Variants in ANO3 observed in about 807,000 individuals in gnomAD.
ANO3 encodes the protein anoctamin 3, also known as anoctamin-3.
A neutral mutation model predicts 144.8 loss-of-function variants in ANO3; 99 were observed. That is an observed-to-expected ratio of 0.68 (90% CI 0.58 to 0.81). ANO3 has a LOEUF of 0.81. ANO3 is among the 30% of genes least tolerant of loss of function. ANO3 has a pLI of 0.00. For synonymous variants in ANO3, 414 were observed against 392.6 expected (o/e 1.05, Z -0.64); for missense variants, 905 against 1,202.2 (o/e 0.75, Z 3.66).
intron 1 of ANO3, among the ~76,000 whole-genome samples, chr11:26,284,712 A>T (rs2133847578): frequency 6.6e-6 from 1 of 151,966 alleles, no homozygotes; most frequent in Non-Finnish European, 1.5e-5. Flanking sequence ...ATCCTGGCTA[A>T]CACGGTGAAA....
intron 10 of ANO3, 110 bp downstream of exon 10, chr11:26,537,571 G>A (rs1408848016): frequency 1.1e-6 from 1 of 933,710 alleles, no homozygotes; most frequent in Admixed American, 1.8e-5. Context: ...GATTCAGTCT[G>A]CAAGTAGCCA....
chr11:26,595,460 G>GTTTTT (rs201712393), intron 14 of ANO3, among the ~76,000 whole-genome samples: 2,070 of 101,100 alleles, frequency 0.02, 257 homozygotes, highest in Admixed American at 0.054. Context: ...AGATAGAGTT[G>GTTTTT]TTTTTTTTTT....
intron 1 of ANO3, among the ~76,000 whole-genome samples, chr11:26,324,034 A>G (rs1256812941): frequency 6.6e-6 from 1 of 152,192 alleles, no homozygotes. Flanking sequence ...CACAAGGTTT[A>G]TGTTTATCTG....
At chr11:26,406,323 T>A (rs2133980089) in intron 1 of ANO3, among the ~76,000 whole-genome samples, 1 of 151,922 alleles carries the variant, frequency 6.6e-6, no homozygotes, top group Non-Finnish European at 1.5e-5. Context: ...CCCTCATGAC[T>A]TAATCAACTT....
At chr11:26,421,332 T>A (rs2133998043) in intron 1 of ANO3, among the ~76,000 whole-genome samples, 1 of 152,160 alleles carries the variant, frequency 6.6e-6, no homozygotes, top group East Asian at 1.9e-4. Flanking sequence ...GGAAGACAAA[T>A]TAGAAAATTC....
chr11:26,616,788 T>G (rs1478406417), intron 17 of ANO3, among the ~76,000 whole-genome samples: 1 of 152,214 alleles, frequency 6.6e-6, no homozygotes, highest in Non-Finnish European at 1.5e-5. Flanking sequence ...TTTTTATTTT[T>G]TTGAGATGGA....
rs577598082 is a variant in ANO3, at chr11:26,451,538, C to T, written c.313+7702C>T. On this transcript the variant is annotated intron_variant, in intron 3 of 26. Coordinates refer to ENST00000256737, the MANE Select transcript of ANO3 (RefSeq NM_031418.4). ...GGCGGCAGCAAGGCTGGGGGAGGAG[C>T]GCCCGCCATTACTCAGGCTTGCTTA... is the stretch of plus-strand genomic sequence containing the variant. Among the ~76,000 whole-genome samples the T allele has an allele frequency of 5.3e-5, 8 of 152,282 alleles. No individual in the cohort carries two copies. The East Asian group carries it at 9.7e-4, about 18-fold the overall frequency.
chr11:26,652,995 T>A (rs973384529), intron 24 of ANO3, among the ~76,000 whole-genome samples: 1 of 152,244 alleles, frequency 6.6e-6, no homozygotes, highest in African/African-American at 2.4e-5. Context: ...CAGCCACACC[T>A]GCCAAGTCAT....
chr11:26,561,090 A>G (rs1463113039), intron 14 of ANO3: 1 of 1,611,618 alleles, frequency 6.2e-7, no homozygotes, highest in South Asian at 1.1e-5. Context: ...AAGTGGAGGT[A>G]TGTCATCCAT....
rs78932255 is a variant in ANO3 at position 26,266,017 on chromosome 11, G to T, written c.155-43628G>T. The stretch of plus-strand genomic sequence containing the variant: ...TCCCATCTTTACTGGAAACATTCTG[G>T]AGAATAAGGAAAATATATTTCAAAT... On this transcript the variant is annotated intron_variant, in intron 1 of 27. Coordinates refer to the ANO3 transcript ENST00000672621. Among the ~76,000 whole-genome samples, 348 of 152,216 alleles carry T rather than the reference G, an allele frequency of 2.3e-3. 11 individuals carry two copies. In the East Asian group the frequency reaches 0.061, roughly 27 times the overall value.
chr11:26,447,004 G>A (rs1258646548), intron 3 of ANO3, among the ~76,000 whole-genome samples: 1 of 152,070 alleles, frequency 6.6e-6, no homozygotes, highest in Non-Finnish European at 1.5e-5. Context: ...AAGCCCAGGA[G>A]TTTAAGACCA....
intron 1 of ANO3, among the ~76,000 whole-genome samples, chr11:26,430,385 A>G (rs1197953024): frequency 2.0e-5 from 3 of 152,214 alleles, no homozygotes; most frequent in Non-Finnish European, 2.9e-5. Flanking sequence ...TTGAAATAAA[A>G]AACCTAAACA....
chr11:26,629,015 T>C (rs1347577129), intron 18 of ANO3, among the ~76,000 whole-genome samples: 1 of 151,968 alleles, frequency 6.6e-6, no homozygotes, highest in Non-Finnish European at 1.5e-5. Flanking sequence ...ATATCCAATC[T>C]CCTCTTGGTG....
At chr11:26,617,646 T>C in intron 17 of ANO3, among the ~76,000 whole-genome samples, 1 of 152,194 alleles carries the variant, frequency 6.6e-6, no homozygotes, top group East Asian at 1.9e-4. Flanking sequence ...TCAGGGATTT[T>C]TGGAAGTGGA....
At chr11:26,548,951 GA>G (rs5790587) in intron 12 of ANO3, among the ~76,000 whole-genome samples, 124,918 of 146,790 alleles carry the variant, frequency 0.85, 53,247 homozygotes, top group East Asian at 0.98. Flanking sequence ...CAATGAATTG[GA>G]AAAAAAAAAA....
chr11:26,373,049 C>G (rs1224474857), intron 1 of ANO3, among the ~76,000 whole-genome samples: 13 of 151,974 alleles, frequency 8.6e-5, no homozygotes. Context: ...GTTCATTATT[C>G]CAAGTGAAGA....
At chr11:26,597,793 CTG>C (rs906871508) in intron 14 of ANO3, among the ~76,000 whole-genome samples, 3 of 152,194 alleles carry the variant, frequency 2.0e-5, no homozygotes, top group African/African-American at 7.2e-5. Flanking sequence ...GTTTTCTTAA[CTG>C]TTTAAACGGG....
In ANO3 at chr11:26,599,539, C is replaced by T. The variant is rs1272488668; in HGVS notation, c.1672-11C>T. The stretch of plus-strand genomic sequence containing the variant: ...AAATATGGATGTTTTTTCTGGTGTC[C>T]AATATTGTAGATATCCTTGGTGATC... On this transcript the variant is annotated splice_polypyrimidine_tract_variant and intron_variant, in intron 16 of 26. Transcript: ENST00000256737. 1.9e-6 allele frequency: 3 copies of T among 1,603,868 alleles called. No individual in the cohort carries two copies. Among genetic ancestry groups the T allele is most frequent in the Non-Finnish European group, 2.6e-6 (3 of 1,174,066 alleles).
At chr11:26,482,528 T>C (rs1196955883) in intron 4 of ANO3, among the ~76,000 whole-genome samples, 1 of 151,876 alleles carries the variant, frequency 6.6e-6, no homozygotes, top group Non-Finnish European at 1.5e-5. Context: ...TTCACCTCTG[T>C]GTAAGGGAAA....
Sources: allele counts gnomAD v4.1 joint callset (sites outside exome capture counted in the v4.1 genomes callset), GRCh38; gene constraint gnomAD v4.1.1; transcripts MANE v1.5; gene names NCBI Gene and HGNC (gene_info 2026-07-23, HGNC 2026-07-21).